ZFHX3: variants seen among roughly 807,000 people sequenced by gnomAD.
ZFHX3 encodes zinc finger homeobox protein 3.
In ZFHX3, 42 loss-of-function variants were observed where a neutral mutation model predicts 279.1. The observed-to-expected ratio is 0.15, with a 90% confidence interval of 0.12 to 0.19. The LOEUF (loss-of-function observed/expected upper bound fraction) is 0.19, where lower values mean the gene tolerates loss of function less well. ZFHX3 is among the 10% of genes least tolerant of loss of function. The probability of loss-of-function intolerance (pLI) is 1.00; values close to 1 mark genes in which losing one functional copy is unlikely to be tolerated. For missense variants in ZFHX3, 4,981 were observed against 4,754.0 expected (o/e 1.05, Z -1.40); for synonymous variants, 2,293 against 1,957.8 (o/e 1.17, Z -4.52).
intron 3 of ZFHX3, among the ~76,000 whole-genome samples, chr16:73,417,988 C>CAAAAAAAA (rs71156161): frequency 1.2e-4 from 7 of 57,838 alleles, no homozygotes; most frequent in Admixed American, 5.4e-4. Flanking sequence ...GACTCCATCT[C>CAAAAAAAA]AAAAAAAAAA....
intron 2 of ZFHX3, among the ~76,000 whole-genome samples, chr16:73,550,840 G>T (rs2020192518): frequency 6.6e-6 from 1 of 152,108 alleles, no homozygotes; most frequent in African/African-American, 2.4e-5. Context: ...CTTCTGAAAG[G>T]GAATTATTTT....
intron 5 of ZFHX3, among the ~76,000 whole-genome samples, chr16:73,229,631 T>C (rs2012710183): frequency 6.6e-6 from 1 of 152,202 alleles, no homozygotes; most frequent in African/African-American, 2.4e-5. Flanking sequence ...TCCCCTCTTT[T>C]AAGGGCAGCA....
rs191554129 is a variant in ZFHX3 at position 73,587,191 on chromosome 16, C to G, written c.-1547+92989G>C. Among the ~76,000 whole-genome samples, 227 of 152,260 alleles carry G rather than the reference C, an allele frequency of 1.5e-3. 2 individuals carry two copies. The highest frequency in any genetic ancestry group is 7.4e-5 in the Non-Finnish European group (5 of 68,024). On this transcript the variant is annotated intron_variant, in intron 2 of 17. Transcript: ENST00000641206. ...CATCAGTTCAGAACCATGATAGAAGCTATTTCACAAATTACAATTTGAGAT... is the reference window on the plus strand; with the variant it reads ...CATCAGTTCAGAACCATGATAGAAGGTATTTCACAAATTACAATTTGAGAT...
At chr16:73,615,832 G>T (rs2052295136) in intron 2 of ZFHX3, among the ~76,000 whole-genome samples, 1 of 152,102 alleles carries the variant, frequency 6.6e-6, no homozygotes, top group Admixed American at 6.6e-5. Flanking sequence ...AGACACAGCG[G>T]AACAAATTGT....
intron 1 of ZFHX3, among the ~76,000 whole-genome samples, chr16:73,765,192 G>C (rs2053917268): frequency 6.6e-6 from 1 of 151,988 alleles, no homozygotes; most frequent in African/African-American, 2.4e-5. Context: ...TGATTGATCT[G>C]TCTCATGGGT....
chr16:72,915,712 G>A lies in ZFHX3; in HGVS notation c.3217-25750C>T, dbSNP rs776145347. Among the ~76,000 whole-genome samples the A allele has an allele frequency of 1.3e-4, 20 of 151,756 alleles. No individual in the cohort carries two copies. The East Asian group carries it at 1.7e-3, about 13-fold the overall frequency. On this transcript the variant is annotated intron_variant, in intron 3 of 9. Coordinates refer to ENST00000268489, the MANE Select transcript of ZFHX3 (RefSeq NM_006885.4). Reference sequence around the variant, plus strand: ...CAAGAGGTCAAGGCTCCAGTGAGCCGTGTTTGTGCCACTGCACTCCAGCCT... The same window carrying A: ...CAAGAGGTCAAGGCTCCAGTGAGCCATGTTTGTGCCACTGCACTCCAGCCT...
chr16:72,867,373 C>T (rs750973997), intron 4 of ZFHX3, among the ~76,000 whole-genome samples: 5 of 152,198 alleles, frequency 3.3e-5, no homozygotes, highest in African/African-American at 7.2e-5. Flanking sequence ...GAAGTGCACT[C>T]TGTCTAATCC....
chr16:73,561,326 A>G (rs1204988681), intron 2 of ZFHX3, among the ~76,000 whole-genome samples: 7 of 152,194 alleles, frequency 4.6e-5, no homozygotes, highest in Non-Finnish European at 1.0e-4. Flanking sequence ...GCATTTATGA[A>G]TTTTTTAAAA....
intron 1 of ZFHX3, among the ~76,000 whole-genome samples, chr16:73,755,209 C>T (rs2053797408): frequency 6.6e-6 from 1 of 152,166 alleles, no homozygotes. Flanking sequence ...ACTCAAAGAT[C>T]CTTTGTTATC....
chr16:73,620,672 A>G (rs2052350236), intron 2 of ZFHX3, among the ~76,000 whole-genome samples: 1 of 152,206 alleles, frequency 6.6e-6, no homozygotes. Flanking sequence ...TGACGACAAT[A>G]CCTTAGGGAC....
rs2035398328 is a variant in ZFHX3 at position 72,786,848 on chromosome 16, C to T, written c.*316G>A. ...GGGGCAAATATACAAGGGGTTTAAG[C>T]TCCAAAGACATTAGGGAGGCCCTGC... On this transcript the variant is annotated 3_prime_UTR_variant, in exon 10 of 10. Coordinates refer to ENST00000268489, the MANE Select transcript of ZFHX3 (RefSeq NM_006885.4). The T allele has an allele frequency of 1.2e-5, 2 of 166,562 alleles. No individual in the cohort carries two copies. Among genetic ancestry groups the T allele is most frequent in the Non-Finnish European group, 2.5e-5 (2 of 78,438 alleles). 10.3% of individuals were successfully genotyped at this position (166,562 alleles called of 1,614,324 possible).
intron 2 of ZFHX3, among the ~76,000 whole-genome samples, chr16:73,534,874 T>C (rs939018279): frequency 3.3e-5 from 5 of 152,134 alleles, no homozygotes; most frequent in Admixed American, 1.3e-4. Context: ...GTGGGTATAA[T>C]CCATCTCACA....
chr16:73,214,843 C>CTTTT lies in ZFHX3; in HGVS notation c.-1104+42200_-1104+42203dup, dbSNP rs386385051. Among the ~76,000 whole-genome samples the CTTTT allele has an allele frequency of 3.2e-3, 250 of 79,256 alleles. 13 individuals carry two copies. Among genetic ancestry groups the CTTTT allele is most frequent in the African/African-American group, 8.5e-3 (167 of 19,708 alleles). The allele number at this position is 79,256 out of a possible 152,430, so 52.0% of individuals were successfully genotyped here. A position where few individuals can be genotyped will look rare whatever the true frequency, so the allele number is the denominator to read the frequency against. ...ATTACTCCATTGAAATGCTGAAGGCCTTTTTTTTTTTTTTTTTTTTTTTTT... is the reference window on the plus strand; with the variant it reads ...ATTACTCCATTGAAATGCTGAAGGCCTTTTTTTTTTTTTTTTTTTTTTTTTTTTT... On this transcript the variant is annotated intron_variant, in intron 5 of 17. Transcript: ENST00000641206.
chr16:73,838,428 A>C (rs529204185), intron 1 of ZFHX3, among the ~76,000 whole-genome samples: 7 of 152,356 alleles, frequency 4.6e-5, no homozygotes, highest in Admixed American at 1.3e-4. Context: ...AGCTCAAAAA[A>C]TGCATATTGC....
intron 8 of ZFHX3, among the ~76,000 whole-genome samples, chr16:73,077,458 T>C (rs1243387700): frequency 1.3e-5 from 2 of 152,166 alleles, no homozygotes; most frequent in African/African-American, 4.8e-5. Flanking sequence ...TCTTTCAGTC[T>C]TTCCACGTTG....
At chr16:73,427,482 C>G (rs987491787) in intron 3 of ZFHX3, among the ~76,000 whole-genome samples, 1 of 152,246 alleles carries the variant, frequency 6.6e-6, no homozygotes, top group East Asian at 1.9e-4. Context: ...TGCTCCCACC[C>G]AGATAGCCTC....
At chr16:73,807,667 C>T (rs1178589945) in intron 1 of ZFHX3, among the ~76,000 whole-genome samples, 1 of 117,740 alleles carries the variant, frequency 8.5e-6, no homozygotes, top group Non-Finnish European at 1.6e-5. Context: ...GGCAGGGCTT[C>T]TCCATGTTGC....
At chr16:73,244,132 G>C (rs887090903) in intron 5 of ZFHX3, among the ~76,000 whole-genome samples, 1 of 152,216 alleles carries the variant, frequency 6.6e-6, no homozygotes, top group Non-Finnish European at 1.5e-5. Flanking sequence ...AGGAAAGCAA[G>C]TTTGGCCTTT....
intron 2 of ZFHX3, among the ~76,000 whole-genome samples, chr16:73,511,661 TGAG>T (rs972128831): frequency 1.3e-5 from 2 of 152,172 alleles, no homozygotes; most frequent in African/African-American, 4.8e-5. Context: ...GGGCAGCATT[TGAG>T]GAGGCCTTCA....
Sources: allele counts gnomAD v4.1 joint callset (sites outside exome capture counted in the v4.1 genomes callset), GRCh38; gene constraint gnomAD v4.1.1; transcripts MANE v1.5; gene names NCBI Gene and HGNC (gene_info 2026-07-23, HGNC 2026-07-21).